FGF10: variants seen among roughly 807,000 people sequenced by gnomAD.
The protein encoded by FGF10 is fibroblast growth factor 10, also known as FGF-10.
Under a neutral mutation model 19.8 loss-of-function variants are expected in FGF10, and 2 were observed. That is an observed-to-expected ratio of 0.10 (90% CI 0.04 to 0.32). FGF10 has a LOEUF of 0.32. Among genes scored for constraint, FGF10 ranks in the 10% least tolerant of loss-of-function variants. The probability of loss-of-function intolerance (pLI) is 1.00; values close to 1 mark genes in which losing one functional copy is unlikely to be tolerated. For synonymous variants in FGF10, 112 were observed against 94.0 expected (o/e 1.19, Z -1.10); for missense variants, 191 against 246.3 (o/e 0.78, Z 1.50).
At chr5:44,370,744 T>C (rs567459744) in intron 1 of FGF10, among the ~76,000 whole-genome samples, 2 of 152,264 alleles carry the variant, frequency 1.3e-5, no homozygotes, top group South Asian at 4.1e-4. Flanking sequence ...ACAAATTTTC[T>C]GTAAGAGGAA....
chr5:44,316,014 C>A (rs185263415), intron 1 of FGF10, among the ~76,000 whole-genome samples: 1 of 152,164 alleles, frequency 6.6e-6, no homozygotes, highest in African/African-American at 2.4e-5. Flanking sequence ...CAAGCGAGAG[C>A]GAGGTTTCAA....
At chr5:44,335,719 G>A (rs543539010) in intron 1 of FGF10, among the ~76,000 whole-genome samples, 2 of 152,142 alleles carry the variant, frequency 1.3e-5, no homozygotes, top group East Asian at 1.9e-4. Context: ...TTAATATACT[G>A]CTTTCCACTT....
chr5:44,331,393 A>G (rs1165515034), intron 1 of FGF10, among the ~76,000 whole-genome samples: 3 of 152,172 alleles, frequency 2.0e-5, no homozygotes, highest in African/African-American at 7.2e-5. Context: ...ATGTGATTTT[A>G]GGCTTTATTA....
intron 1 of FGF10, among the ~76,000 whole-genome samples, chr5:44,370,124 C>T (rs758434502): frequency 3.3e-5 from 5 of 152,090 alleles, no homozygotes; most frequent in Non-Finnish European, 7.4e-5. Context: ...GGTCCATAGA[C>T]CCAAGTTTGA....
intron 1 of FGF10, among the ~76,000 whole-genome samples, chr5:44,353,852 A>G (rs1425561384): frequency 6.6e-6 from 1 of 151,472 alleles, no homozygotes; most frequent in African/African-American, 2.4e-5. Flanking sequence ...GACTTGAAAG[A>G]GTAGTTCCGG....
intron 2 of FGF10, among the ~76,000 whole-genome samples, chr5:44,307,735 T>G (rs1202946956): frequency 6.6e-6 from 1 of 152,218 alleles, no homozygotes; most frequent in Non-Finnish European, 1.5e-5. Context: ...ATATTAGATA[T>G]GCACTTATAA....
chr5:44,309,961 A>G (rs1361122778), intron 2 of FGF10, among the ~76,000 whole-genome samples: 1 of 152,156 alleles, frequency 6.6e-6, no homozygotes, highest in African/African-American at 2.4e-5. Context: ...TGATTGAACA[A>G]CAAGCAAAAT....
At chr5:44,362,900 C>A (rs976198290) in intron 1 of FGF10, among the ~76,000 whole-genome samples, 2 of 151,634 alleles carry the variant, frequency 1.3e-5, no homozygotes, top group Admixed American at 1.3e-4. Flanking sequence ...ACTTACTGTA[C>A]TGTATGATTA....
At chr5:44,370,567 A>G (rs1434777344) in intron 1 of FGF10, among the ~76,000 whole-genome samples, 1 of 152,106 alleles carries the variant, frequency 6.6e-6, no homozygotes, top group African/African-American at 2.4e-5. Flanking sequence ...CCCAGCACTC[A>G]GTAGACAAAG....
intron 1 of FGF10, among the ~76,000 whole-genome samples, chr5:44,383,231 A>G (rs1249765262): frequency 6.6e-6 from 1 of 152,196 alleles, no homozygotes; most frequent in South Asian, 2.1e-4. Flanking sequence ...GTAATTGTAT[A>G]GAAATTTAAA....
rs1740038192 is a variant in FGF10, at chr5:44,304,830, T to C, written c.*165A>G. ...CACAGAACTAATTAAAAGAACATCA[T>C]ATGTCAGCAGTGAATACAAAAACCT... On this transcript the variant is annotated 3_prime_UTR_variant, in exon 3 of 3. Transcript: ENST00000264664. 7.5e-6 allele frequency: 5 copies of C among 667,496 alleles called. No homozygotes were observed. The Middle Eastern group carries it at 7.7e-4, about 102-fold the overall frequency. 41.3% of individuals were successfully genotyped at this position (667,496 alleles called of 1,614,324 possible).
intron 1 of FGF10, among the ~76,000 whole-genome samples, chr5:44,337,777 T>C (rs1169188775): frequency 6.6e-6 from 1 of 152,038 alleles, no homozygotes; most frequent in Non-Finnish European, 1.5e-5. Context: ...CCGTCTCTAC[T>C]AAAAATACAA....
intron 1 of FGF10, among the ~76,000 whole-genome samples, chr5:44,378,496 A>G (rs902707328): frequency 3.3e-5 from 5 of 152,170 alleles, no homozygotes; most frequent in Admixed American, 1.3e-4. Flanking sequence ...CTGTGGCACA[A>G]TCTCGGCTCA....
chr5:44,324,281 A>G (rs1446358978), intron 1 of FGF10, among the ~76,000 whole-genome samples: 1 of 152,150 alleles, frequency 6.6e-6, no homozygotes, highest in African/African-American at 2.4e-5. Context: ...TGTATATATT[A>G]CATTATTAAA....
chr5:44,340,195 G>C (rs1169584490), intron 1 of FGF10, among the ~76,000 whole-genome samples: 1 of 152,122 alleles, frequency 6.6e-6, no homozygotes, highest in Admixed American at 6.6e-5. Context: ...AATAGCAGTG[G>C]AGGGGAAAAG....
At chr5:44,314,775 CT>C (rs1383082069) in intron 1 of FGF10, among the ~76,000 whole-genome samples, 1 of 152,086 alleles carries the variant, frequency 6.6e-6, no homozygotes, top group Non-Finnish European at 1.5e-5. Flanking sequence ...TATTGTCCCC[CT>C]AGCAATCATG....
rs533946449 is a variant in FGF10, at chr5:44,345,898, T to A, written c.326-35368A>T. On this transcript the variant is annotated intron_variant, in intron 1 of 2. Coordinates refer to ENST00000264664, the MANE Select transcript of FGF10 (RefSeq NM_004465.2). ...TGAAAATATTGGGTTGACGTTGGAC[T>A]CAGGCCTAAGTGTTCTATGCTGCCT... Among the ~76,000 whole-genome samples, 6 of 152,008 alleles carry A rather than the reference T, an allele frequency of 3.9e-5. 1 individual carries two copies. The highest frequency in any genetic ancestry group is 1.4e-4 in the African/African-American group (6 of 41,536).
At chr5:44,369,330 A>G (rs935196119) in intron 1 of FGF10, among the ~76,000 whole-genome samples, 4 of 152,120 alleles carry the variant, frequency 2.6e-5, no homozygotes, top group Admixed American at 2.6e-4. Flanking sequence ...TCCTGAGGAA[A>G]CTATAGAATC....
In FGF10 at chr5:44,388,486, T is replaced by C; in HGVS notation, c.197A>G (p.His66Arg). Reference sequence around the variant, plus strand: ...TTGAAGGTGATTGTAGCTCCGCACATGCCTTCCCGCGCTGGAAGGAGAGGA... The same window carrying C: ...TTGAAGGTGATTGTAGCTCCGCACACGCCTTCCCGCGCTGGAAGGAGAGGA... ...SFSSPSSAGR[H>R]VRSYNHLQGD... The change falls in exon 1 of 3, where the codon CAT becomes CGT. Residue 66 changes from histidine to arginine, a missense_variant. Physicochemically the swap from His to Arg is conservative, Grantham distance 29. Around this residue, in one of 2 missense-constraint regions of FGF10, gnomAD observed 92 missense variants for 84.6 expected, o/e 1.09. Coordinates refer to ENST00000264664, the MANE Select transcript of FGF10 (RefSeq NM_004465.2). 2 of 1,614,084 alleles carry C rather than the reference T, an allele frequency of 1.2e-6. No individual in the cohort carries two copies. The highest frequency in any genetic ancestry group is 1.3e-5 in the African/African-American group (1 of 75,028).
Sources: gnomAD v4.1 joint callset for allele counts (sites outside exome capture counted in the v4.1 genomes callset) on GRCh38, gnomAD v4.1.1 for gene constraint, gnomAD v4.1.1 regional missense constraint, MANE v1.5 for transcripts, NCBI Gene and HGNC (gene_info 2026-07-23, HGNC 2026-07-21) for gene names.